PPP1R21: variants seen among roughly 807,000 people sequenced by gnomAD.
PPP1R21 encodes KLRAQ motif containing 1.
In PPP1R21, 85 loss-of-function variants were observed where a neutral mutation model predicts 112.8. That is an observed-to-expected ratio of 0.75 (90% confidence interval 0.63 to 0.90). The LOEUF is 0.90. Among genes scored for constraint, PPP1R21 ranks in the 40% least tolerant of loss-of-function variants. The pLI is 0.00. For synonymous variants in PPP1R21, 381 were observed against 322.3 expected (o/e 1.18, Z -1.95); for missense variants, 1,199 against 901.5 (o/e 1.33, Z -4.23).
At chr2:48,472,490 G>A (rs1263196598) in intron 11 of PPP1R21, among the ~76,000 whole-genome samples, 23 of 151,640 alleles carry the variant, frequency 1.5e-4, no homozygotes, top group South Asian at 2.1e-4. Context: ...GCCGGGCGTG[G>A]TGGTGCATGC....
intron 17 of PPP1R21, among the ~76,000 whole-genome samples, chr2:48,502,426 C>T (rs922051267): frequency 6.7e-6 from 1 of 148,498 alleles, no homozygotes; most frequent in South Asian, 2.1e-4. Context: ...TTTCTGCTTT[C>T]CTTGATGTTT....
At chr2:48,509,404 C>G (rs1333406684) in intron 19 of PPP1R21, among the ~76,000 whole-genome samples, 2 of 151,508 alleles carry the variant, frequency 1.3e-5, no homozygotes, top group Non-Finnish European at 2.9e-5. Context: ...CTAGATAAAT[C>G]TAGAAAGTTC....
At chr2:48,445,480 A>C (rs191790475) in intron 1 of PPP1R21, among the ~76,000 whole-genome samples, 66 of 152,306 alleles carry the variant, frequency 4.3e-4, no homozygotes, top group Admixed American at 3.0e-3. Context: ...ACTCACTTGA[A>C]GACCTTGTTA....
At chr2:48,506,585 A>G (rs1670389081) in intron 18 of PPP1R21, among the ~76,000 whole-genome samples, 1 of 152,200 alleles carries the variant, frequency 6.6e-6, no homozygotes, top group African/African-American at 2.4e-5. Context: ...TCATTGTTTG[A>G]GTAACTAGTA....
chr2:48,447,981 A>T (rs985563199), intron 1 of PPP1R21, among the ~76,000 whole-genome samples: 1 of 151,936 alleles, frequency 6.6e-6, no homozygotes, highest in African/African-American at 2.4e-5. Flanking sequence ...AATAAAATAA[A>T]AAAAAAAGAT....
At chr2:48,500,882 C>T (rs1670081018) in intron 17 of PPP1R21, among the ~76,000 whole-genome samples, 1 of 152,024 alleles carries the variant, frequency 6.6e-6, no homozygotes, top group African/African-American at 2.4e-5. Flanking sequence ...GCACTCCAGC[C>T]TGGGCAACAG....
At chr2:48,445,653 C>T (rs1444113273) in intron 1 of PPP1R21, among the ~76,000 whole-genome samples, 2 of 152,158 alleles carry the variant, frequency 1.3e-5, no homozygotes, top group African/African-American at 4.8e-5. Context: ...CACCCATTCA[C>T]CTAGGGGCAG....
At chr2:48,513,761 C>A (rs1270497319) in intron 21 of PPP1R21, among the ~76,000 whole-genome samples, 2 of 152,168 alleles carry the variant, frequency 1.3e-5, no homozygotes, top group Non-Finnish European at 2.9e-5. Flanking sequence ...TTATATTCTG[C>A]AAGCATTTCT....
chr2:48,440,797 A>C lies in PPP1R21; in HGVS notation c.-157A>C. 1 of 634,178 alleles carries C rather than the reference A, an allele frequency of 1.6e-6. No homozygotes were observed. The allele number at this position is 634,178 out of a possible 1,614,324, so 39.3% of individuals were successfully genotyped here. ...CCTTCCTCCCACCCCGGGAACCCGG[A>C]AGTGGAGGAGGAGGCGCGGCGGCGG... On this transcript the variant is annotated 5_prime_UTR_variant, in exon 1 of 22. Transcript: ENST00000294952.
rs1345722393 is a variant in PPP1R21, at chr2:48,454,576, T to A, written c.127-19T>A. On this transcript the variant is annotated intron_variant, in intron 2 of 21. Coordinates refer to ENST00000294952, the MANE Select transcript of PPP1R21 (RefSeq NM_001135629.3). Reference sequence around the variant, plus strand: ...TACAGCTAAACTGTGAGGACCAATCTGTTTTCACTTTGATATAGGAGCAAC... The same window carrying A: ...TACAGCTAAACTGTGAGGACCAATCAGTTTTCACTTTGATATAGGAGCAAC... 1 of 1,613,964 alleles carries A rather than the reference T, an allele frequency of 6.2e-7. No homozygotes were observed.
intron 21 of PPP1R21, 27 bp downstream of exon 21, chr2:48,511,495 C>T (rs775968222): frequency 3.1e-6 from 5 of 1,604,842 alleles, no homozygotes; most frequent in African/African-American, 1.3e-5. Flanking sequence ...GAGGTAGTCT[C>T]TCTGCAATAT....
chr2:48,499,225 G>C (rs1004412769), intron 17 of PPP1R21, among the ~76,000 whole-genome samples: 1 of 152,108 alleles, frequency 6.6e-6, no homozygotes, highest in Non-Finnish European at 1.5e-5. Context: ...AAGAATGCTG[G>C]TTAGTAAGCA....
intron 15 of PPP1R21, among the ~76,000 whole-genome samples, chr2:48,492,343 C>G (rs1013047610): frequency 2.0e-5 from 3 of 151,990 alleles, no homozygotes; most frequent in Admixed American, 6.6e-5. Context: ...CTCCTTTTCT[C>G]TTTTCTTGTC....
At chr2:48,490,950 C>G in intron 14 of PPP1R21, 68 bp from the exon 15 acceptor site, 1 of 1,376,286 alleles carries the variant, frequency 7.3e-7, no homozygotes, top group Non-Finnish European at 1.0e-6. Flanking sequence ...GCTGCAAAAA[C>G]TATTAGATAT....
At chr2:48,475,601 A>G (rs987726795) in intron 12 of PPP1R21, among the ~76,000 whole-genome samples, 2 of 151,412 alleles carry the variant, frequency 1.3e-5, no homozygotes, top group Non-Finnish European at 2.9e-5. Context: ...TAATCCCAGC[A>G]CTTTGGGAGG....
chr2:48,476,473 A>G (rs1352681590), intron 12 of PPP1R21, among the ~76,000 whole-genome samples: 1 of 152,052 alleles, frequency 6.6e-6, no homozygotes, highest in Non-Finnish European at 1.5e-5. Flanking sequence ...ATACCTAGGA[A>G]TGGAATTCCT....
chr2:48,479,881 A>T (rs751993736), intron 12 of PPP1R21, 43 bp from the exon 13 acceptor site: 1 of 1,253,836 alleles, frequency 8.0e-7, no homozygotes, highest in Non-Finnish European at 1.2e-6. Context: ...TGGGCAGTCC[A>T]TTTTTCAGGA....
At position 48,459,791 on chromosome 2, in the gene PPP1R21, C is replaced by G. The variant is rs1364793426; in HGVS notation, c.413C>G (p.Ala138Gly). ...EADEQHKHVE[A>G]ELRSRLATLE... ...GATGAGCAGCACAAGCATGTGGAAG[C>G]AGAGCTGAGGAGTCGACTGGCCACT... is the stretch of plus-strand genomic sequence containing the variant. Residue 138 changes from alanine to glycine, a missense_variant, in exon 5 of 22, where the codon GCA becomes GGA. Transcript: ENST00000294952. 1 of 1,613,874 alleles carries G rather than the reference C, an allele frequency of 6.2e-7. No homozygotes were observed. Among genetic ancestry groups the G allele is most frequent in the Non-Finnish European group, 8.5e-7 (1 of 1,179,992 alleles).
chr2:48,450,874 CT>C, intron 1 of PPP1R21, 133 bp from the exon 2 acceptor site: 1 of 633,990 alleles, frequency 1.6e-6, no homozygotes. Context: ...GGGTCTAATA[CT>C]TTTTTGTTCT....
Sources: gnomAD v4.1 joint callset for allele counts (sites outside exome capture counted in the v4.1 genomes callset) on GRCh38, gnomAD v4.1.1 for gene constraint, MANE v1.5 for transcripts, NCBI Gene and HGNC (gene_info 2026-07-23, HGNC 2026-07-21) for gene names.